SLC25A48: variants seen among roughly 807,000 people sequenced by gnomAD.
The protein encoded by SLC25A48 is CTC-321K16.1.
Under a neutral mutation model 32.2 loss-of-function variants are expected in SLC25A48, and 29 were observed. The observed-to-expected ratio is 0.90, with a 90% confidence interval of 0.67 to 1.23. The LOEUF (loss-of-function observed/expected upper bound fraction) is 1.23, where lower values mean the gene tolerates loss of function less well. SLC25A48 is among the 50% of genes most tolerant of loss of function. The pLI, the probability that SLC25A48 is intolerant of heterozygous loss-of-function variation, is 0.00. For synonymous variants in SLC25A48, 164 were observed against 172.3 expected (o/e 0.95, Z 0.38); for missense variants, 399 against 422.7 (o/e 0.94, Z 0.49).
In SLC25A48 at chr5:135,803,774, C is replaced by T. The variant is rs554583081; in HGVS notation, c.-520-8749C>T. Among the ~76,000 whole-genome samples the T allele has an allele frequency of 7.9e-5, 12 of 151,250 alleles. No homozygotes were observed. The South Asian group carries it at 1.7e-3, about 21-fold the overall frequency. On this transcript the variant is annotated intron_variant, in intron 3 of 10. Transcript: ENST00000646290. ...TATCGCCCTGTGTGTATACCCACTCCGATATTATATGTAATATTCTAAGGA... is the reference window on the plus strand; with the variant it reads ...TATCGCCCTGTGTGTATACCCACTCTGATATTATATGTAATATTCTAAGGA...
chr5:135,580,516 C>T (rs990081013), intron 1 of SLC25A48, among the ~76,000 whole-genome samples: 1 of 152,098 alleles, frequency 6.6e-6, no homozygotes, highest in Admixed American at 6.6e-5. Flanking sequence ...ACTGGAGAGC[C>T]CTTGCTGCTT....
intron 3 of SLC25A48, among the ~76,000 whole-genome samples, chr5:135,672,224 A>G (rs1753672135): frequency 6.6e-6 from 1 of 152,188 alleles, no homozygotes; most frequent in Admixed American, 6.5e-5. Context: ...TCCAGGGAAG[A>G]GATGGAGAAT....
rs565718999 is a variant in SLC25A48 at position 135,598,018 on chromosome 5, ACC to A, written c.-849+18422_-849+18423del. On this transcript the variant is annotated intron_variant, in intron 1 of 10. Coordinates refer to the SLC25A48 transcript ENST00000646290. ...GACTCTGTCTTAAAAAAAAAATCAA[ACC>A]AAAAAACAAACAAACAAACAAACAA... 1.3e-3 allele frequency among the ~76,000 whole-genome samples: 92 copies of A among 73,270 alleles called. No homozygotes were observed. The Middle Eastern group carries it at 0.025, about 20-fold the overall frequency. The allele number at this position is 73,270 out of a possible 152,430, so 48.1% of individuals were successfully genotyped here.
chr5:135,586,022 A>G (rs148804895), intron 1 of SLC25A48, among the ~76,000 whole-genome samples: 1 of 152,340 alleles, frequency 6.6e-6, no homozygotes, highest in East Asian at 1.9e-4. Context: ...TGCTATACAA[A>G]TATTAATTTA....
intron 3 of SLC25A48, among the ~76,000 whole-genome samples, chr5:135,715,057 G>A (rs748708734): frequency 1.3e-5 from 2 of 152,192 alleles, no homozygotes; most frequent in African/African-American, 2.4e-5. Flanking sequence ...TTCTGGGGCC[G>A]CATTGGAGAG....
intron 3 of SLC25A48, among the ~76,000 whole-genome samples, chr5:135,744,598 A>G (rs1463670631): frequency 6.6e-6 from 1 of 151,576 alleles, no homozygotes; most frequent in African/African-American, 2.4e-5. Flanking sequence ...CGGCCTCCTA[A>G]AGTGCTGGGA....
chr5:135,769,848 G>A (rs1477889106), intron 3 of SLC25A48, among the ~76,000 whole-genome samples: 4 of 151,226 alleles, frequency 2.6e-5, no homozygotes, highest in South Asian at 2.1e-4. Context: ...GATATTGTTC[G>A]TAATATCCAT....
At chr5:135,887,375 C>A (rs1175343038) in intron 7 of SLC25A48, among the ~76,000 whole-genome samples, 1 of 152,060 alleles carries the variant, frequency 6.6e-6, no homozygotes, top group Non-Finnish European at 1.5e-5. Flanking sequence ...CAGATAACAT[C>A]TTAGTGTTCT....
In SLC25A48 at chr5:135,683,309, A is replaced by G. The variant is rs552105894; in HGVS notation, c.-521+48353A>G. On this transcript the variant is annotated intron_variant, in intron 3 of 10. Coordinates refer to the SLC25A48 transcript ENST00000646290. ...GTCAGACCTTATAAAGGCATTTTAC[A>G]GTGTGGCAGGGACCAAAATTGTTGC... Among the ~76,000 whole-genome samples the G allele has an allele frequency of 5.3e-5, 8 of 152,344 alleles. No homozygotes were observed. The East Asian group carries it at 1.5e-3, about 29-fold the overall frequency.
rs138063245 is a variant in SLC25A48, at chr5:135,799,012, T to G, written c.-520-13511T>G. On this transcript the variant is annotated intron_variant, in intron 3 of 10. Coordinates refer to the SLC25A48 transcript ENST00000646290. The stretch of plus-strand genomic sequence containing the variant: ...TATCGCAGAGGGTGTACACTTCGCC[T>G]GTGATATCGTTTTTAATATCCAAGG... Among the ~76,000 whole-genome samples, 240 of 151,918 alleles carry G rather than the reference T, an allele frequency of 1.6e-3. 2 individuals carry two copies. Among genetic ancestry groups the G allele is most frequent in the African/African-American group, 5.2e-3 (216 of 41,454 alleles).
intron 3 of SLC25A48, chr5:135,742,535 A>C (rs528140959): frequency 6.7e-7 from 1 of 1,482,854 alleles, no homozygotes; most frequent in African/African-American, 1.4e-5. Context: ...TTTCCCAAAC[A>C]ATACCAAGAT....
chr5:135,616,061 C>T (rs541363225), intron 1 of SLC25A48, among the ~76,000 whole-genome samples: 1 of 152,354 alleles, frequency 6.6e-6, no homozygotes, highest in African/African-American at 2.4e-5. Context: ...ACTTGGGAGC[C>T]TCTGCCTAGA....
chr5:135,723,380 TCACACACACA>T (rs138387748), intron 3 of SLC25A48, among the ~76,000 whole-genome samples: 8 of 111,714 alleles, frequency 7.2e-5, no homozygotes, highest in African/African-American at 2.0e-4. Flanking sequence ...TCTCTCTCTC[TCACACACACA>T]CACACACACA....
chr5:135,710,095 A>T (rs751144210), intron 3 of SLC25A48, among the ~76,000 whole-genome samples: 24 of 152,208 alleles, frequency 1.6e-4, no homozygotes, highest in Non-Finnish European at 3.4e-4. Flanking sequence ...CTGGCACACC[A>T]ACAGGAAGTC....
At chr5:135,811,034 G>C (rs537165197) in intron 3 of SLC25A48, among the ~76,000 whole-genome samples, 9 of 152,170 alleles carry the variant, frequency 5.9e-5, no homozygotes, top group African/African-American at 2.2e-4. Flanking sequence ...AGGGGAACTC[G>C]GGACTTCTTG....
At chr5:135,687,996 T>TC (rs1227428216) in intron 3 of SLC25A48, among the ~76,000 whole-genome samples, 1 of 15,548 alleles carries the variant, frequency 6.4e-5, no homozygotes, top group Non-Finnish European at 1.9e-4. Flanking sequence ...TACAGCCATC[T>TC]CCCCCATCCA....
At chr5:135,723,378 T>TCACA (rs1444066866) in intron 3 of SLC25A48, among the ~76,000 whole-genome samples, 145 of 54,510 alleles carry the variant, frequency 2.7e-3, no homozygotes, top group African/African-American at 4.9e-3. Flanking sequence ...TCTCTCTCTC[T>TCACA]CTCACACACA....
intron 5 of SLC25A48, 39 bp downstream of exon 5, chr5:135,871,757 G>C (rs758247045): frequency 2.9e-5 from 47 of 1,604,856 alleles, no homozygotes; most frequent in Non-Finnish European, 3.8e-5. Context: ...CCCTGTGCAG[G>C]CCACAGCAGT....
chr5:135,720,740 A>G (rs1276503786), intron 3 of SLC25A48, among the ~76,000 whole-genome samples: 1 of 152,208 alleles, frequency 6.6e-6, no homozygotes, highest in East Asian at 1.9e-4. Context: ...AGAGAGGAAC[A>G]TAAGCCAGGC....
Sources: gnomAD v4.1 joint callset for allele counts (sites outside exome capture counted in the v4.1 genomes callset) on GRCh38, gnomAD v4.1.1 for gene constraint, MANE v1.5 for transcripts, NCBI Gene and HGNC (gene_info 2026-07-23, HGNC 2026-07-21) for gene names.